SMAD5: variants seen among roughly 807,000 people sequenced by gnomAD.
SMAD5 encodes the protein MAD, mothers against decapentaplegic homolog 5.
Under a neutral mutation model 43.1 loss-of-function variants are expected in SMAD5, and 9 were observed. The ratio of observed to expected loss-of-function variants is 0.21; its 90% CI spans 0.13 to 0.36. SMAD5 has a LOEUF of 0.36. Ranked by LOEUF, SMAD5 falls within the 10% of genes least tolerant of loss-of-function variation. The probability of loss-of-function intolerance (pLI) is 1.00; values close to 1 mark genes in which losing one functional copy is unlikely to be tolerated. For missense variants in SMAD5, 348 were observed against 574.0 expected, an observed-to-expected ratio of 0.61 and a Z score of 4.02; for synonymous variants, 190 against 192.4, an observed-to-expected ratio of 0.99 and a Z score of 0.10.
rs1754265306 is a variant in SMAD5, at chr5:136,172,561, T to C, written c.903T>C (p.Asp301=). 6.2e-7 allele frequency: 1 copy of C among 1,612,886 alleles called. No individual in the cohort carries two copies. Among genetic ancestry groups the C allele is most frequent in the African/African-American group, 1.3e-5 (1 of 75,030 alleles). Residue 301 remains aspartate (D), a synonymous_variant, in exon 6 of 8, where the codon GAT becomes GAC. Transcript: ENST00000545279. Reference sequence around the variant, plus strand: ...GTGTGTTAGTAGATGGATTCACAGATCCTTCAAATAACAAAAGTAGATTCT... The same window carrying C: ...GTGTGTTAGTAGATGGATTCACAGACCCTTCAAATAACAAAAGTAGATTCT... ...STSVLVDGFT[D]PSNNKSRFCL...
intron 1 of SMAD5, among the ~76,000 whole-genome samples, chr5:136,138,007 A>G (rs558756830): frequency 6.6e-6 from 1 of 152,294 alleles, no homozygotes; most frequent in East Asian, 1.9e-4. Flanking sequence ...ATCACTACAA[A>G]GATTGACCAG....
At chr5:136,151,394 A>G (rs1753456100) in intron 2 of SMAD5, among the ~76,000 whole-genome samples, 1 of 152,086 alleles carries the variant, frequency 6.6e-6, no homozygotes, top group African/African-American at 2.4e-5. Context: ...GAACAACTGA[A>G]TTAATTTGAG....
chr5:136,168,029 C>T (rs1298502522), intron 5 of SMAD5, among the ~76,000 whole-genome samples: 6 of 152,142 alleles, frequency 3.9e-5, no homozygotes, highest in South Asian at 2.1e-4. Flanking sequence ...TTAATAGAGA[C>T]GGAGTTTCAC....
rs58156387 is a variant in SMAD5, at chr5:136,165,662, ATTTTTTTT to A, written c.775+2301_775+2308del. Reference sequence around the variant, plus strand: ...TACTTCATATAAATGGAATCATACAATTTTTTTTTTTTTTTTTTTTTTTTTTTTTTTTT... The same window carrying A: ...TACTTCATATAAATGGAATCATACAATTTTTTTTTTTTTTTTTTTTTTTTT... On this transcript the variant is annotated intron_variant, in intron 5 of 7. Coordinates refer to ENST00000545279, the MANE Select transcript of SMAD5 (RefSeq NM_005903.7). Among the ~76,000 whole-genome samples the A allele has an allele frequency of 2.7e-3, 175 of 65,390 alleles. 10 individuals are homozygous for A. Among genetic ancestry groups the A allele is most frequent in the African/African-American group, 5.1e-3 (93 of 18,324 alleles). 42.9% of individuals were successfully genotyped at this position (65,390 alleles called of 152,430 possible).
intron 5 of SMAD5, among the ~76,000 whole-genome samples, chr5:136,163,883 T>G (rs1051727033): frequency 3.9e-5 from 6 of 152,298 alleles, no homozygotes; most frequent in Admixed American, 3.9e-4. Context: ...GTATTTTGAT[T>G]ATTATAAACA....
intron 7 of SMAD5, among the ~76,000 whole-genome samples, chr5:136,176,524 ATGATTT>A (rs1205523706): frequency 2.1e-5 from 3 of 146,260 alleles, no homozygotes; most frequent in African/African-American, 7.5e-5. Flanking sequence ...GAGGCTATTT[ATGATTT>A]TGATTTTGAT....
intron 2 of SMAD5, among the ~76,000 whole-genome samples, chr5:136,150,797 T>C (rs185548034): frequency 9.1e-4 from 138 of 152,168 alleles, no homozygotes; most frequent in South Asian, 1.7e-3. Flanking sequence ...TTAGAATTCA[T>C]GTTTGAATAG....
chr5:136,150,736 A>G (rs939877559), intron 2 of SMAD5, among the ~76,000 whole-genome samples: 3 of 151,932 alleles, frequency 2.0e-5, no homozygotes, highest in Admixed American at 1.3e-4. Flanking sequence ...TTAGGACTAG[A>G]TCTAGCCAGT....
rs924294182 is a variant in SMAD5, at chr5:136,154,234, C to G, written c.403+71C>G. 3.3e-6 allele frequency: 3 copies of G among 908,980 alleles called. No individual in the cohort carries two copies. The African/African-American group carries it at 5.2e-5, about 16-fold the overall frequency. The allele number at this position is 908,980 out of a possible 1,614,324, so 56.3% of individuals were successfully genotyped here. On this transcript the variant is annotated intron_variant, in intron 3 of 7. Coordinates refer to ENST00000545279, the MANE Select transcript of SMAD5 (RefSeq NM_005903.7). ...ACCTCTCTTCCTGATATGCATGTAACTAGATTTAGTAATGAAAAGGTTGTA... is the reference window on the plus strand; with the variant it reads ...ACCTCTCTTCCTGATATGCATGTAAGTAGATTTAGTAATGAAAAGGTTGTA...
chr5:136,165,174 T>A (rs1285265877), intron 5 of SMAD5, among the ~76,000 whole-genome samples: 1 of 152,016 alleles, frequency 6.6e-6, no homozygotes, highest in South Asian at 2.1e-4. Context: ...AGAGACAGAG[T>A]CTTGCTCTGT....
chr5:136,157,690 T>G (rs1216799115), intron 3 of SMAD5, among the ~76,000 whole-genome samples: 1 of 152,126 alleles, frequency 6.6e-6, no homozygotes, highest in Non-Finnish European at 1.5e-5. Context: ...CTGCTACTGA[T>G]CTGACAGGAG....
At chr5:136,173,868 T>G (rs549541155) in intron 6 of SMAD5, among the ~76,000 whole-genome samples, 3 of 151,772 alleles carry the variant, frequency 2.0e-5, no homozygotes, top group Non-Finnish European at 2.9e-5. Flanking sequence ...TTTTTAAATA[T>G]AAAAAAATTT....
Position 136,163,501 on chromosome 5 carries a change from T to C in SMAD5, c.775+110T>C. The C allele has an allele frequency of 4.3e-6, 4 of 939,926 alleles. No homozygotes were observed. The South Asian group carries it at 1.1e-4, about 25-fold the overall frequency. 58.2% of individuals were successfully genotyped at this position (939,926 alleles called of 1,614,324 possible). A position where few individuals can be genotyped will look rare whatever the true frequency, so the allele number is the denominator to read the frequency against. On this transcript the variant is annotated intron_variant, in intron 5 of 7. Transcript: ENST00000545279. ...GGTATAATTTATATGCTATAAAATTTTTTTGTTTTAAGTGTATGATTCAAA... is the reference window on the plus strand; with the variant it reads ...GGTATAATTTATATGCTATAAAATTCTTTTGTTTTAAGTGTATGATTCAAA...
At position 136,174,381 on chromosome 5, in the gene SMAD5, C is replaced by T; in HGVS notation, c.1003C>T (p.His335Tyr). 1 of 1,613,172 alleles carries T rather than the reference C, an allele frequency of 6.2e-7. No individual in the cohort carries two copies. Among genetic ancestry groups the T allele is most frequent in the Non-Finnish European group, 8.5e-7 (1 of 1,179,252 alleles). ...GTGATGTTTGTCTTTTTAAGGTGTTCATCTGTACTATGTTGGTGGAGAGGT... is the reference window on the plus strand; with the variant it reads ...GTGATGTTTGTCTTTTTAAGGTGTTTATCTGTACTATGTTGGTGGAGAGGT... ...NTRRHIGKGV[H>Y]LYYVGGEVYA... Residue 335 changes from histidine to tyrosine, a missense_variant, in exon 7 of 8, where the codon CAT (histidine) becomes TAT (tyrosine). Transcript: ENST00000545279.
intron 5 of SMAD5, among the ~76,000 whole-genome samples, chr5:136,168,647 C>T (rs1754103912): frequency 6.6e-6 from 1 of 152,186 alleles, no homozygotes. Context: ...GTTTTTAACA[C>T]ATGTATCCAC....
At chr5:136,175,666 A>T (rs767419920) in intron 7 of SMAD5, among the ~76,000 whole-genome samples, 1 of 152,206 alleles carries the variant, frequency 6.6e-6, no homozygotes, top group Non-Finnish European at 1.5e-5. Flanking sequence ...AGAATTTAGC[A>T]CAAGAAGAGC....
At chr5:136,135,403 A>G (rs1752839328) in intron 1 of SMAD5, among the ~76,000 whole-genome samples, 1 of 152,212 alleles carries the variant, frequency 6.6e-6, no homozygotes, top group East Asian at 1.9e-4. Flanking sequence ...CATGAACCCA[A>G]ACATTATGAT....
Position 136,161,002 on chromosome 5 carries a change from C to T in SMAD5, c.550C>T (p.Pro184Ser). The change falls in exon 4 of 8, where the codon CCT becomes TCT. Residue 184 changes from proline to serine, a missense_variant. By Grantham distance (74) the Pro-to-Ser change is moderately conservative (BLOSUM62 -1). This residue lies in a region of SMAD5 where 185 missense variants were observed against 207.0 expected (regional missense o/e 0.89). Coordinates refer to ENST00000545279, the MANE Select transcript of SMAD5 (RefSeq NM_005903.7). ...TTCTTTCCACCAGCCCAACAACACT[C>T]CTTTTCCCTTATCTCCAAACAGCCC... ...PDSFHQPNNT[P>S]FPLSPNSPYP... 6.2e-7 allele frequency: 1 copy of T among 1,613,966 alleles called. No individual in the cohort carries two copies. The highest frequency in any genetic ancestry group is 8.5e-7 in the Non-Finnish European group (1 of 1,179,878).
chr5:136,181,804 A>G lies in SMAD5; in HGVS notation c.*4324A>G, dbSNP rs924081635. ...TTCTCTCTTAAAATACAACTGTATT[A>G]TAATTGAAATGACAGCCCAAAATTG... On this transcript the variant is annotated 3_prime_UTR_variant, in exon 8 of 8. Coordinates refer to ENST00000545279, the MANE Select transcript of SMAD5 (RefSeq NM_005903.7). 2.0e-5 allele frequency: 3 copies of G among 152,210 alleles called. No homozygotes were observed. Among genetic ancestry groups the G allele is most frequent in the African/African-American group, 7.2e-5 (3 of 41,470 alleles). 9.4% of individuals were successfully genotyped at this position (152,210 alleles called of 1,614,324 possible). A position where few individuals can be genotyped will look rare whatever the true frequency, so the allele number is the denominator to read the frequency against.
Sources: gnomAD v4.1 joint callset for allele counts (sites outside exome capture counted in the v4.1 genomes callset) on GRCh38, gnomAD v4.1.1 for gene constraint, gnomAD v4.1.1 regional missense constraint, MANE v1.5 for transcripts, NCBI Gene and HGNC (gene_info 2026-07-23, HGNC 2026-07-21) for gene names.